The following DUSP16 variants were observed in gnomAD, a reference collection of about 807,000 sequenced individuals.
DUSP16 encodes the protein dual specificity phosphatase 16, also known as dual specificity protein phosphatase 16.
DUSP16 carries 21 observed loss-of-function variants against 58.3 expected under a neutral mutation model. The ratio of observed to expected loss-of-function variants is 0.36; its 90% confidence interval spans 0.26 to 0.52. DUSP16 has a LOEUF of 0.52. DUSP16 is among the 20% of genes least tolerant of loss of function. The pLI is 0.94. For missense variants in DUSP16, 726 were observed against 819.0 expected, an observed-to-expected ratio of 0.89 and a Z score of 1.39; for synonymous variants, 320 against 323.8, an observed-to-expected ratio of 0.99 and a Z score of 0.12.
Position 12,473,791 on chromosome 12 carries a change from C to T in DUSP16, c.*3042G>A, listed in dbSNP as rs2136177858. 6.6e-6 allele frequency among the ~76,000 whole-genome samples: 1 copy of T among 152,282 alleles called. No homozygotes were observed. Among genetic ancestry groups the T allele is most frequent in the South Asian group, 2.1e-4 (1 of 4,830 alleles). On this transcript the variant is annotated 3_prime_UTR_variant, in exon 7 of 7. Coordinates refer to ENST00000298573, the MANE Select transcript of DUSP16 (RefSeq NM_030640.3). ...AGAGAGGTTGTTGAGATGTATGTGG[C>T]AAGGACAAAGGACAGCTCTTCAACA...
At chr12:12,524,951 A>T (rs1226515789) in intron 1 of DUSP16, among the ~76,000 whole-genome samples, 1 of 152,210 alleles carries the variant, frequency 6.6e-6, no homozygotes, top group Non-Finnish European at 1.5e-5. Flanking sequence ...ATATATTCAT[A>T]ATCCTTCTTC....
chr12:12,532,120 T>C (rs1196899370), intron 1 of DUSP16, among the ~76,000 whole-genome samples: 2 of 151,946 alleles, frequency 1.3e-5, no homozygotes, highest in Non-Finnish European at 2.9e-5. Context: ...ATTGCGCCAC[T>C]GCAGTCCGCA....
intron 1 of DUSP16, among the ~76,000 whole-genome samples, chr12:12,539,780 G>C (rs1376462156): frequency 1.3e-5 from 2 of 149,886 alleles, no homozygotes; most frequent in African/African-American, 4.9e-5. Flanking sequence ...GCTGGGCACA[G>C]TGGTTCACAC....
intron 2 of DUSP16, among the ~76,000 whole-genome samples, chr12:12,520,497 G>A (rs901212389): frequency 6.6e-6 from 1 of 152,178 alleles, no homozygotes; most frequent in African/African-American, 2.4e-5. Context: ...TACCACATGT[G>A]TTATGACACA....
rs1056784837 is a variant in DUSP16, at chr12:12,473,885, G to C, written c.*2948C>G. Among the ~76,000 whole-genome samples, 1 of 152,234 alleles carries C rather than the reference G, an allele frequency of 6.6e-6. No homozygotes were observed. Among genetic ancestry groups the C allele is most frequent in the African/African-American group, 2.4e-5 (1 of 41,452 alleles). On this transcript the variant is annotated 3_prime_UTR_variant, in exon 7 of 7. Transcript: ENST00000298573. ...CATGTTATATCGAAATGGGCCATGT[G>C]TGTGTAGCTGGCCTTTTTTTTCCTA... is the stretch of plus-strand genomic sequence containing the variant.
intron 1 of DUSP16, among the ~76,000 whole-genome samples, chr12:12,543,733 A>AG (rs1289596748): frequency 3.3e-5 from 5 of 152,148 alleles, no homozygotes; most frequent in African/African-American, 1.2e-4. Flanking sequence ...TTTTGTGAAG[A>AG]GAAAAAAAGA....
intron 1 of DUSP16, among the ~76,000 whole-genome samples, chr12:12,561,859 CGCTCCGGCCAG>C (rs1555171003): frequency 6.6e-6 from 1 of 150,772 alleles, no homozygotes; most frequent in Non-Finnish European, 1.5e-5. Context: ...GCCCCCTTCC[CGCTCCGGCCAG>C]CCTCCGGCCA....
chr12:12,492,959 C>A (rs1251786781), intron 4 of DUSP16, among the ~76,000 whole-genome samples: 2 of 152,188 alleles, frequency 1.3e-5, no homozygotes, highest in Admixed American at 1.3e-4. Flanking sequence ...GGGTCATTCT[C>A]AACTCCCCAG....
At chr12:12,537,837 T>A (rs1944491368) in intron 1 of DUSP16, among the ~76,000 whole-genome samples, 1 of 152,236 alleles carries the variant, frequency 6.6e-6, no homozygotes, top group Non-Finnish European at 1.5e-5. Context: ...TTGCAAATAG[T>A]GTTCATTCTT....
At chr12:12,551,567 G>A (rs767866591) in intron 1 of DUSP16, among the ~76,000 whole-genome samples, 4 of 149,212 alleles carry the variant, frequency 2.7e-5, no homozygotes, top group Non-Finnish European at 4.5e-5. Flanking sequence ...CCAAGATCTT[G>A]ACCACTTCCC....
intron 1 of DUSP16, among the ~76,000 whole-genome samples, chr12:12,527,277 G>GA (rs998328250): frequency 2.0e-5 from 3 of 151,660 alleles, no homozygotes; most frequent in Admixed American, 2.0e-4. Context: ...TCAATAACAG[G>GA]AAAAAAACCA....
In DUSP16 at chr12:12,551,691, C is replaced by CTTT. The variant is rs35198357; in HGVS notation, c.-366+10423_-366+10425dup. 1.0e-4 allele frequency among the ~76,000 whole-genome samples: 14 copies of CTTT among 140,136 alleles called. No individual in the cohort carries two copies. The East Asian group carries it at 2.3e-3, about 23-fold the overall frequency. 91.9% of individuals were successfully genotyped at this position (140,136 alleles called of 152,430 possible). On this transcript the variant is annotated intron_variant, in intron 1 of 6. Coordinates refer to ENST00000298573, the MANE Select transcript of DUSP16 (RefSeq NM_030640.3). ...CAAAGATGTGCAGAACTTAGTAAAC[C>CTTT]TTTTTTTTTTTTTTTTTCCGAGATG... is the stretch of plus-strand genomic sequence containing the variant.
intron 3 of DUSP16, among the ~76,000 whole-genome samples, chr12:12,513,196 C>G (rs11054945): frequency 1.3e-3 from 200 of 152,292 alleles, no homozygotes; most frequent in South Asian, 6.8e-3. Flanking sequence ...TTGCTGTGTT[C>G]TTAATAAATG....
At chr12:12,548,574 G>C (rs937720594) in intron 1 of DUSP16, among the ~76,000 whole-genome samples, 2 of 140,886 alleles carry the variant, frequency 1.4e-5, no homozygotes, top group Non-Finnish European at 3.0e-5. Flanking sequence ...AGAGGTTGCA[G>C]TGAGCCGAGA....
At chr12:12,540,350 T>C (rs1426980851) in intron 1 of DUSP16, among the ~76,000 whole-genome samples, 1 of 151,916 alleles carries the variant, frequency 6.6e-6, no homozygotes, top group Non-Finnish European at 1.5e-5. Flanking sequence ...AAAATATAAA[T>C]TAAAAAAATT....
rs1021558927 is a variant in DUSP16, at chr12:12,475,978, G to A, written c.*855C>T. The A allele has an allele frequency of 1.3e-5, 2 of 152,126 alleles. No homozygotes were observed. Among genetic ancestry groups the A allele is most frequent in the African/African-American group, 2.4e-5 (1 of 41,416 alleles). The allele number at this position is 152,126 out of a possible 1,614,324, so 9.4% of individuals were successfully genotyped here. On this transcript the variant is annotated 3_prime_UTR_variant, in exon 7 of 7. Transcript: ENST00000298573. ...GATTTACAAAGAGGGAGGTAGACTC[G>A]TTAGCCTCCCAACCTTAGCTTAAAT...
At chr12:12,550,365 G>A (rs941539579) in intron 1 of DUSP16, among the ~76,000 whole-genome samples, 2 of 152,032 alleles carry the variant, frequency 1.3e-5, no homozygotes, top group African/African-American at 4.8e-5. Flanking sequence ...GTGTGATCCA[G>A]AGATGAGGAA....
At chr12:12,488,919 A>C (rs1299649378) in intron 4 of DUSP16, among the ~76,000 whole-genome samples, 4 of 152,098 alleles carry the variant, frequency 2.6e-5, no homozygotes, top group Non-Finnish European at 5.9e-5. Flanking sequence ...AACTCTACTA[A>C]AACTACAAAA....
intron 5 of DUSP16, 68 bp downstream of exon 5, chr12:12,486,960 G>A (rs1379425283): frequency 6.4e-6 from 10 of 1,568,888 alleles, no homozygotes; most frequent in East Asian, 4.5e-5. Context: ...AAAATGGGGG[G>A]CTGAGGGGGT....
Sources: gnomAD v4.1 joint callset for allele counts (sites outside exome capture counted in the v4.1 genomes callset) on GRCh38, gnomAD v4.1.1 for gene constraint, MANE v1.5 for transcripts, NCBI Gene and HGNC (gene_info 2026-07-23, HGNC 2026-07-21) for gene names.